The following G6PC1 variants were observed in gnomAD, a reference collection of about 807,000 sequenced individuals.
G6PC1 encodes glucose-6-phosphatase catalytic subunit 1, also known as G-6-Pase.
In G6PC1, 23 loss-of-function variants were observed where a neutral mutation model predicts 30.4. The ratio of observed to expected loss-of-function variants is 0.76; its 90% CI spans 0.55 to 1.07. G6PC1 has a LOEUF of 1.07. Ranked by LOEUF, G6PC1 falls within the 50% of genes least tolerant of loss-of-function variation. G6PC1 has a pLI of 0.00. For missense variants in G6PC1, 391 were observed against 433.9 expected, an observed-to-expected ratio of 0.90 and a Z score of 0.88; for synonymous variants, 163 against 175.6, an observed-to-expected ratio of 0.93 and a Z score of 0.57.
intron 3 of G6PC1, among the ~76,000 whole-genome samples, chr17:42,908,392 A>G (rs1042999620): frequency 6.7e-6 from 1 of 149,150 alleles, no homozygotes; most frequent in Non-Finnish European, 1.5e-5. Context: ...ACAAGGGTTA[A>G]CCACTTGCCA....
chr17:42,906,652 G>A (rs2056063827), intron 2 of G6PC1, among the ~76,000 whole-genome samples: 1 of 152,182 alleles, frequency 6.6e-6, no homozygotes, highest in Non-Finnish European at 1.5e-5. Flanking sequence ...CCAAGGGTAG[G>A]AGGATTGCTT....
intron 1 of G6PC1, among the ~76,000 whole-genome samples, chr17:42,901,716 A>C (rs1457475750): frequency 2.0e-5 from 3 of 151,954 alleles, no homozygotes; most frequent in East Asian, 1.9e-4. Flanking sequence ...AAAAAAAAAA[A>C]AAGATAGATG....
chr17:42,904,035 G>C lies in G6PC1; in HGVS notation c.335G>C (p.Gly112Ala). ...IKQFPVTCET[G>A]PGSPSGHAMG... Reference sequence around the variant, plus strand: ...CAGTTCCCTGTAACCTGTGAGACTGGACCAGGTAAGCGTCCCAGCCCCTGC... The same window carrying C: ...CAGTTCCCTGTAACCTGTGAGACTGCACCAGGTAAGCGTCCCAGCCCCTGC... Residue 112 changes from glycine to alanine, a missense_variant, in exon 2 of 5, where the codon GGA (glycine) becomes GCA (alanine). Physicochemically the swap from Gly to Ala is moderately conservative, Grantham distance 60 (BLOSUM62 0). Coordinates refer to ENST00000253801, the MANE Select transcript of G6PC1 (RefSeq NM_000151.4). 1 of 1,607,600 alleles carries C rather than the reference G, an allele frequency of 6.2e-7. No individual in the cohort carries two copies.
At chr17:42,907,271 T>G (rs2056067336) in intron 2 of G6PC1, among the ~76,000 whole-genome samples, 1 of 152,220 alleles carries the variant, frequency 6.6e-6, no homozygotes, top group South Asian at 2.1e-4. Context: ...TGCTCATCAT[T>G]GTATTCCCAG....
intron 2 of G6PC1, among the ~76,000 whole-genome samples, chr17:42,906,627 C>T (rs1379578093): frequency 6.6e-6 from 1 of 152,114 alleles, no homozygotes; most frequent in African/African-American, 2.4e-5. Flanking sequence ...CCTATAATCC[C>T]AACACTTTGG....
chr17:42,907,628 G>C lies in G6PC1; in HGVS notation c.446G>C (p.Arg149Pro). The C allele has an allele frequency of 6.2e-7, 1 of 1,608,158 alleles. No homozygotes were observed. ...AAGATAAAGCCGACCTACAGATTTC[G>C]GTAAGAACTCACCACTGGGGTGTAG... ...QGKIKPTYRF[R>P]CLNVILWLGF... The change falls in exon 3 of 5, where the codon CGG becomes CCG. Residue 149 changes from arginine (R) to proline (P), a missense_variant and splice_region_variant. Coordinates refer to ENST00000253801, the MANE Select transcript of G6PC1 (RefSeq NM_000151.4).
Position 42,911,003 on chromosome 17 carries a change from C to G in G6PC1, c.651C>G (p.Phe217Leu). Residue 217 changes from phenylalanine to leucine, a missense_variant, in exon 5 of 5, where the codon TTC becomes TTG. Coordinates refer to ENST00000253801, the MANE Select transcript of G6PC1 (RefSeq NM_000151.4). ...ATTTTCTCATTACCTTCTTCCTGTTCAGCTTCGCCATCGGATTTTATCTGC... is the reference window on the plus strand; with the variant it reads ...ATTTTCTCATTACCTTCTTCCTGTTGAGCTTCGCCATCGGATTTTATCTGC... ...KKYFLITFFL[F>L]SFAIGFYLLL... 6.2e-7 allele frequency: 1 copy of G among 1,614,200 alleles called. No homozygotes were observed. The highest frequency in any genetic ancestry group is 8.5e-7 in the Non-Finnish European group (1 of 1,180,012).
Position 42,907,018 on chromosome 17 carries a change from G to A in G6PC1, c.341-505G>A, listed in dbSNP as rs566379955. ...GATGTGAGGAAGTAAGTTTCTGGCAGAAGAGCTGTGAAGGGCTGTCTGGCC... is the reference window on the plus strand; with the variant it reads ...GATGTGAGGAAGTAAGTTTCTGGCAAAAGAGCTGTGAAGGGCTGTCTGGCC... On this transcript the variant is annotated intron_variant, in intron 2 of 4. Coordinates refer to ENST00000253801, the MANE Select transcript of G6PC1 (RefSeq NM_000151.4). 2.0e-5 allele frequency among the ~76,000 whole-genome samples: 3 copies of A among 152,318 alleles called. No individual in the cohort carries two copies. In the South Asian group the frequency reaches 6.2e-4, roughly 32 times the overall value.
chr17:42,903,948 G>GTCCA lies in G6PC1; in HGVS notation c.250_253dup (p.Tyr85SerfsTer9). On this transcript the variant is annotated frameshift_variant, in exon 2 of 5. Transcript: ENST00000253801. LOFTEE classifies it high-confidence loss of function. ...TTCCATAGGATTCTCTTTGGACAGC[G>GTCCA]TCCATACTGGTGGGTTTTGGATACT... 1.9e-6 allele frequency: 3 copies of GTCCA among 1,612,612 alleles called. No individual in the cohort carries two copies. Among genetic ancestry groups the GTCCA allele is most frequent in the Non-Finnish European group, 2.5e-6 (3 of 1,178,698 alleles).
chr17:42,910,030 A>G (rs1399693114), intron 4 of G6PC1, among the ~76,000 whole-genome samples: 2 of 151,766 alleles, frequency 1.3e-5, no homozygotes, highest in Non-Finnish European at 2.9e-5. Context: ...TGCCCGGCTA[A>G]TTTTTTGTAT....
rs937004875 is a variant in G6PC1, at chr17:42,913,979, G to A, written c.*2553G>A. 8.5e-5 allele frequency among the ~76,000 whole-genome samples: 13 copies of A among 152,262 alleles called. No individual in the cohort carries two copies. The South Asian group carries it at 1.2e-3, about 15-fold the overall frequency. On this transcript the variant is annotated 3_prime_UTR_variant, in exon 5 of 5. Coordinates refer to ENST00000253801, the MANE Select transcript of G6PC1 (RefSeq NM_000151.4). ...CTCCGCTATTTCACACCTGAACTCCGGAGTCTGTATATTCAGGGAAGATTG... is the reference window on the plus strand; with the variant it reads ...CTCCGCTATTTCACACCTGAACTCCAGAGTCTGTATATTCAGGGAAGATTG...
intron 4 of G6PC1, 81 bp downstream of exon 4, chr17:42,909,499 T>C (rs1245630022): frequency 6.3e-4 from 614 of 974,592 alleles, no homozygotes; most frequent in East Asian, 7.7e-4. Context: ...ATCCCAGCAT[T>C]CCAGCCACAT....
rs940464622 is a variant in G6PC1, at chr17:42,913,567, C to A, written c.*2141C>A. Among the ~76,000 whole-genome samples the A allele has an allele frequency of 1.3e-5, 2 of 152,110 alleles. No individual in the cohort carries two copies. Among genetic ancestry groups the A allele is most frequent in the Admixed American group, 6.6e-5 (1 of 15,248 alleles). On this transcript the variant is annotated 3_prime_UTR_variant, in exon 5 of 5. Coordinates refer to ENST00000253801, the MANE Select transcript of G6PC1 (RefSeq NM_000151.4). ...AGAGTTGAGCACATAAACGGAGGCC[C>A]AAAATCAGCATAGAACCAGAAAGAT...
Position 42,910,983 on chromosome 17 carries a change from C to A in G6PC1, c.631C>A (p.Leu211Ile). The A allele has an allele frequency of 1.2e-6, 2 of 1,614,192 alleles. No homozygotes were observed. The highest frequency in any genetic ancestry group is 2.2e-5 in the South Asian group (2 of 91,082). The change falls in exon 5 of 5, where the codon CTC (leucine) becomes ATC (isoleucine). Residue 211 changes from leucine (L) to isoleucine (I), a missense_variant. By Grantham distance (5) the Leu-to-Ile change is conservative. Coordinates refer to ENST00000253801, the MANE Select transcript of G6PC1 (RefSeq NM_000151.4). ...IYNASLKKYF[L>I]ITFFLFSFAI... ...TAATGCCAGCCTCAAGAAATATTTTCTCATTACCTTCTTCCTGTTCAGCTT... is the reference window on the plus strand; with the variant it reads ...TAATGCCAGCCTCAAGAAATATTTTATCATTACCTTCTTCCTGTTCAGCTT...
rs1158575198 is a variant in G6PC1, at chr17:42,907,622, G to C, written c.440G>C (p.Arg147Thr). The C allele has an allele frequency of 1.2e-6, 2 of 1,612,320 alleles. No homozygotes were observed. ...CAGGGAAAGATAAAGCCGACCTACA[G>C]ATTTCGGTAAGAACTCACCACTGGG... ...IFQGKIKPTY[R>T]FRCLNVILWL... Residue 147 changes from arginine (R) to threonine (T), a missense_variant, in exon 3 of 5, where the codon AGA becomes ACA. Coordinates refer to ENST00000253801, the MANE Select transcript of G6PC1 (RefSeq NM_000151.4).
chr17:42,909,511 C>T lies in G6PC1; in HGVS notation c.562+93C>T, dbSNP rs1490444862. ...AAAATCCCAGCATTCCAGCCACATCCTGTGTGTAATCAGTACTGTTAGCAT... is the reference window on the plus strand; with the variant it reads ...AAAATCCCAGCATTCCAGCCACATCTTGTGTGTAATCAGTACTGTTAGCAT... On this transcript the variant is annotated intron_variant, in intron 4 of 4. Transcript: ENST00000253801. 21 of 912,518 alleles carry T rather than the reference C, an allele frequency of 2.3e-5. No homozygotes were observed. The South Asian group carries it at 2.6e-4, about 11-fold the overall frequency. The allele number at this position is 912,518 out of a possible 1,614,324, so 56.5% of individuals were successfully genotyped here.
chr17:42,905,479 T>A (rs745731658), intron 2 of G6PC1, among the ~76,000 whole-genome samples: 16 of 68,694 alleles, frequency 2.3e-4, no homozygotes, highest in African/African-American at 5.1e-4. Flanking sequence ...CACACACATA[T>A]AATACTAGAA....
intron 1 of G6PC1, among the ~76,000 whole-genome samples, 156 bp downstream of exon 1, chr17:42,901,262 A>C (rs1352678622): frequency 6.6e-6 from 1 of 152,158 alleles, no homozygotes; most frequent in Non-Finnish European, 1.5e-5. Context: ...CATCTACATA[A>C]AGGGGGAAGA....
chr17:42,909,869 T>G (rs924025341), intron 4 of G6PC1, among the ~76,000 whole-genome samples: 2 of 140,914 alleles, frequency 1.4e-5, no homozygotes, highest in South Asian at 2.2e-4. Context: ...TTTTTTTTTG[T>G]TTTTTTTTTT....
Sources: gnomAD v4.1 joint callset for allele counts (sites outside exome capture counted in the v4.1 genomes callset) on GRCh38, gnomAD v4.1.1 for gene constraint, MANE v1.5 for transcripts, NCBI Gene and HGNC (gene_info 2026-07-23, HGNC 2026-07-21) for gene names.